CCDC40: variants seen among roughly 807,000 people sequenced by gnomAD.
The protein encoded by CCDC40 is coiled-coil domain-containing protein 40.
Under a neutral mutation model 124.5 loss-of-function variants are expected in CCDC40, and 104 were observed. The ratio of observed to expected loss-of-function variants is 0.84; its 90% CI spans 0.71 to 0.98. CCDC40 has a LOEUF of 0.98. CCDC40 is among the 50% of genes least tolerant of loss of function. CCDC40 has a pLI of 0.00. For missense variants in CCDC40, 1,463 were observed against 1,503.9 expected (o/e 0.97, Z 0.45); for synonymous variants, 580 against 602.9 (o/e 0.96, Z 0.56).
At chr17:80,081,406 A>ATAAATAAATAAATAAATAAATAAT in intron 10 of CCDC40, 140 bp from the exon 11 acceptor site, 1 of 625,268 alleles carries the variant, frequency 1.6e-6, no homozygotes, top group Non-Finnish European at 2.7e-6. Flanking sequence ...AAATAAATAA[A>ATAAATAAATAAATAAATAAATAAT]TAAATAAGAG....
At chr17:80,092,904 C>T (rs2038746890) in intron 17 of CCDC40, among the ~76,000 whole-genome samples, 1 of 152,124 alleles carries the variant, frequency 6.6e-6, no homozygotes, top group Admixed American at 6.5e-5. Context: ...ACATTTAGGT[C>T]CATAATGTAT....
intron 2 of CCDC40, among the ~76,000 whole-genome samples, chr17:80,038,593 G>A (rs1033447644): frequency 6.6e-6 from 1 of 152,010 alleles, no homozygotes; most frequent in Non-Finnish European, 1.5e-5. Context: ...TTGGGAGGCC[G>A]AGGCAGGCAG....
chr17:80,098,267 G>A (rs1164586497), intron 19 of CCDC40, among the ~76,000 whole-genome samples: 9 of 152,238 alleles, frequency 5.9e-5, no homozygotes, highest in East Asian at 3.9e-4. Flanking sequence ...GACTGTGTGC[G>A]GCCTTAGGGA....
At position 80,066,031 on chromosome 17, in the gene CCDC40, C is replaced by T; in HGVS notation, c.1562+425C>T. 2.9e-6 allele frequency: 2 copies of T among 689,358 alleles called. No individual in the cohort carries two copies. Among genetic ancestry groups the T allele is most frequent in the South Asian group, 1.5e-5 (1 of 66,888 alleles). 42.7% of individuals were successfully genotyped at this position (689,358 alleles called of 1,614,324 possible). On this transcript the variant is annotated intron_variant, in intron 10 of 19. Transcript: ENST00000397545. The surrounding 1 kb of genome is among the most constrained non-coding windows in gnomAD (Gnocchi z 4.4). Reference sequence around the variant, plus strand: ...TCTCCAAAGGAAGGGGAGGAAGAGGCCTCCTCTGGGCATCCCCTCACTTCT... The same window carrying T: ...TCTCCAAAGGAAGGGGAGGAAGAGGTCTCCTCTGGGCATCCCCTCACTTCT...
intron 7 of CCDC40, among the ~76,000 whole-genome samples, chr17:80,057,903 G>C (rs1048600499): frequency 1.2e-4 from 18 of 151,908 alleles, no homozygotes; most frequent in Non-Finnish European, 2.1e-4. Context: ...TCCATCTCAT[G>C]CAAGTTTTGT....
chr17:80,087,993 G>T lies in CCDC40; in HGVS notation c.2620-18G>T, dbSNP rs765469292. The T allele has an allele frequency of 9.7e-7, 1 of 1,031,410 alleles. No homozygotes were observed. The highest frequency in any genetic ancestry group is 1.8e-5 in the Admixed American group (1 of 57,056). The allele number at this position is 1,031,410 out of a possible 1,614,324, so 63.9% of individuals were successfully genotyped here. On this transcript the variant is annotated intron_variant, in intron 15 of 19. Transcript: ENST00000397545. The surrounding 1 kb of genome is among the most constrained non-coding windows in gnomAD (Gnocchi z 4.5). ...CCATGGCCCTCCCCACAGCTGTCCC[G>T]CCCCCTCCCCCATGCAGGCCTCTGA...
At chr17:80,042,141 T>G (rs1351973472) in intron 3 of CCDC40, among the ~76,000 whole-genome samples, 11 of 152,134 alleles carry the variant, frequency 7.2e-5, no homozygotes, top group Admixed American at 2.6e-4. Flanking sequence ...TTTTTTGAGA[T>G]GTAGTCTCGC....
chr17:80,087,634 A>G lies in CCDC40; in HGVS notation c.2477A>G (p.Gln826Arg). The change falls in exon 15 of 20, where the codon CAG becomes CGG. Residue 826 changes from glutamine (Q) to arginine (R), a missense_variant. Physicochemically the swap from Gln to Arg is conservative, Grantham distance 43. Transcript: ENST00000397545. The surrounding 1 kb of genome is among the most constrained non-coding windows in gnomAD (Gnocchi z 4.5). ...AAGATTGAGCAGGAGAAGAAGGAGCAGAAGGAGATCGAGCACCACATGAAG... is the reference window on the plus strand; with the variant it reads ...AAGATTGAGCAGGAGAAGAAGGAGCGGAAGGAGATCGAGCACCACATGAAG... Reference protein sequence around the residue: ...ESKIEQEKKEQKEIEHHMKDL... With the variant: ...ESKIEQEKKERKEIEHHMKDL... 6.2e-7 allele frequency: 1 copy of G among 1,614,172 alleles called. No individual in the cohort carries two copies. Among genetic ancestry groups the G allele is most frequent in the Non-Finnish European group, 8.5e-7 (1 of 1,180,000 alleles).
In CCDC40 at chr17:80,065,639, G is replaced by A. The variant is rs10083858; in HGVS notation, c.1562+33G>A. ...AGGGCCACAGGCAGCGAGGATGTGC[G>A]GGAACCCCAGGGGTCCGTGGCAGGC... is the stretch of plus-strand genomic sequence containing the variant. On this transcript the variant is annotated intron_variant, in intron 10 of 19. Coordinates refer to ENST00000397545, the MANE Select transcript of CCDC40 (RefSeq NM_017950.4). The A allele has an allele frequency of 0.012, 18,671 of 1,610,092 alleles. 1,537 individuals carry two copies. In the African/African-American group the frequency reaches 0.2, roughly 17 times the overall value.
Position 80,067,788 on chromosome 17 carries a change from C to T in CCDC40, c.1562+2182C>T. 2.1e-6 allele frequency: 3 copies of T among 1,457,416 alleles called. No homozygotes were observed. The South Asian group carries it at 4.2e-5, about 21-fold the overall frequency. 90.3% of individuals were successfully genotyped at this position (1,457,416 alleles called of 1,614,324 possible). A position where few individuals can be genotyped will look rare whatever the true frequency, so the allele number is the denominator to read the frequency against. On this transcript the variant is annotated intron_variant, in intron 10 of 19. Transcript: ENST00000397545. Reference sequence around the variant, plus strand: ...AGGATTGTGACAGTCACGCCCCCGGCAGCGGTGTTTCAAAGTCCCCTGACA... The same window carrying T: ...AGGATTGTGACAGTCACGCCCCCGGTAGCGGTGTTTCAAAGTCCCCTGACA...
chr17:80,089,116 C>T (rs1183416151), intron 16 of CCDC40, among the ~76,000 whole-genome samples: 1 of 152,182 alleles, frequency 6.6e-6, no homozygotes, highest in Non-Finnish European at 1.5e-5. Context: ...AGCTATATTC[C>T]TTTCTTGTTT....
In CCDC40 at chr17:80,087,357, G is replaced by A; in HGVS notation, c.2450-250G>A. ...ACCTGCTGGCTGTCCCCACAGGCAGGTCCTCTCAGTTCCGTTGGAGGACCA... is the reference window on the plus strand; with the variant it reads ...ACCTGCTGGCTGTCCCCACAGGCAGATCCTCTCAGTTCCGTTGGAGGACCA... On this transcript the variant is annotated intron_variant, in intron 14 of 19. Coordinates refer to ENST00000397545, the MANE Select transcript of CCDC40 (RefSeq NM_017950.4). This position sits in a 1 kb window ranked among gnomAD's most constrained non-coding sequence, Gnocchi z 4.5. 1.8e-6 allele frequency: 1 copy of A among 547,472 alleles called. No homozygotes were observed. Among genetic ancestry groups the A allele is most frequent in the Non-Finnish European group, 3.3e-6 (1 of 303,362 alleles). 33.9% of individuals were successfully genotyped at this position (547,472 alleles called of 1,614,324 possible).
At chr17:80,068,997 TC>T (rs2038120924) in intron 10 of CCDC40, among the ~76,000 whole-genome samples, 1 of 152,216 alleles carries the variant, frequency 6.6e-6, no homozygotes, top group Non-Finnish European at 1.5e-5. Context: ...GGCCTGTCCG[TC>T]CACATGGGCG....
chr17:80,067,835 C>G, intron 10 of CCDC40: 2 of 1,424,194 alleles, frequency 1.4e-6, no homozygotes, highest in Non-Finnish European at 1.8e-6. Context: ...TGTCACACTT[C>G]AGGACTGTGC....
intron 17 of CCDC40, chr17:80,090,592 A>C: frequency 6.7e-7 from 1 of 1,487,260 alleles, no homozygotes; most frequent in Non-Finnish European, 8.9e-7. Flanking sequence ...TGACCCTCTA[A>C]CGTATCCCAC....
intron 10 of CCDC40, among the ~76,000 whole-genome samples, chr17:80,075,065 G>C (rs1248015147): frequency 6.6e-5 from 10 of 151,960 alleles, no homozygotes; most frequent in African/African-American, 2.2e-4. Context: ...TAGGATTACA[G>C]GTCCTTACCA....
In CCDC40 at chr17:80,048,591, C is replaced by G. The variant is rs763699650; in HGVS notation, c.685C>G (p.Pro229Ala). 6.2e-7 allele frequency: 1 copy of G among 1,613,428 alleles called. No individual in the cohort carries two copies. Among genetic ancestry groups the G allele is most frequent in the Non-Finnish European group, 8.5e-7 (1 of 1,179,662 alleles). Residue 229 changes from proline (P) to alanine (A), a missense_variant, in exon 5 of 20, where the codon CCA (proline) becomes GCA (alanine). Physicochemically the swap from Pro to Ala is conservative, Grantham distance 27. Transcript: ENST00000397545. The part of the protein sequence containing the change: ...EFVSQEPVIP[P>A]GVPDAHPREG... The stretch of plus-strand genomic sequence containing the variant: ...GCTGTCTCTCCCCCCAGTGATCCCC[C>G]CAGGGGTGCCCGATGCCCACCCCAG...
chr17:80,064,161 A>G (rs2037974649), intron 9 of CCDC40, among the ~76,000 whole-genome samples: 1 of 152,156 alleles, frequency 6.6e-6, no homozygotes, highest in Non-Finnish European at 1.5e-5. Flanking sequence ...TAATGAATAG[A>G]TGGTTCAGAA....
chr17:80,082,089 G>C, intron 12 of CCDC40, 31 bp downstream of exon 12: 1 of 1,601,088 alleles, frequency 6.2e-7, no homozygotes, highest in Non-Finnish European at 8.5e-7. Flanking sequence ...GGGGCTGTGC[G>C]AAGCCCCCTG....
Sources: allele counts gnomAD v4.1 joint callset (sites outside exome capture counted in the v4.1 genomes callset), GRCh38; gene constraint gnomAD v4.1.1; non-coding constraint Gnocchi (gnomAD v3.1); transcripts MANE v1.5; gene names NCBI Gene and HGNC (gene_info 2026-07-23, HGNC 2026-07-21).